Variants in PLCB1 observed in about 807,000 individuals in gnomAD.
PLCB1 encodes the protein 1-phosphatidylinositol 4,5-bisphosphate phosphodiesterase beta-1.
Under a neutral mutation model 161.8 loss-of-function variants are expected in PLCB1, and 46 were observed. That is an observed-to-expected ratio of 0.28 (90% CI 0.22 to 0.36). The LOEUF is 0.36. Ranked by LOEUF, PLCB1 falls within the 10% of genes least tolerant of loss-of-function variation. The pLI is 1.00. For missense variants in PLCB1, 1,016 were observed against 1,472.5 expected (o/e 0.69, Z 5.07); for synonymous variants, 517 against 503.7 (o/e 1.03, Z -0.35).
At chr20:8,546,055 G>T (rs1299752249) in intron 3 of PLCB1, among the ~76,000 whole-genome samples, 3 of 152,090 alleles carry the variant, frequency 2.0e-5, no homozygotes, top group Admixed American at 6.6e-5. Flanking sequence ...GGTGGCTCAT[G>T]CCTGTAATCC....
intron 3 of PLCB1, among the ~76,000 whole-genome samples, chr20:8,592,897 T>C (rs1257651101): frequency 6.6e-6 from 1 of 152,144 alleles, no homozygotes; most frequent in Non-Finnish European, 1.5e-5. Flanking sequence ...CCATTCTCAA[T>C]GCTGGCTGCA....
In PLCB1 at chr20:8,453,617, A is replaced by G. The variant is rs191815374; in HGVS notation, c.246+82167A>G. Among the ~76,000 whole-genome samples the G allele has an allele frequency of 6.2e-3, 945 of 152,304 alleles. 3 individuals carry two copies. The highest frequency in any genetic ancestry group is 1.0e-2 in the Non-Finnish European group (678 of 68,028). On this transcript the variant is annotated intron_variant, in intron 3 of 31. Transcript: ENST00000338037. Reference sequence around the variant, plus strand: ...AATAAACAATTAACTACATAATATAATATCAGAAAGAGTTTGGTGGCTGGA... The same window carrying G: ...AATAAACAATTAACTACATAATATAGTATCAGAAAGAGTTTGGTGGCTGGA...
chr20:8,760,274 G>T, intron 24 of PLCB1, 133 bp from the exon 25 acceptor site: 1 of 583,090 alleles, frequency 1.7e-6, no homozygotes, highest in South Asian at 2.5e-5. Flanking sequence ...TTTTTATAAA[G>T]AATTTTCTCA....
At chr20:8,545,290 T>G (rs1985493960) in intron 3 of PLCB1, among the ~76,000 whole-genome samples, 1 of 152,166 alleles carries the variant, frequency 6.6e-6, no homozygotes, top group Non-Finnish European at 1.5e-5. Context: ...CAGCTTATGT[T>G]TGGGGCACTA....
intron 3 of PLCB1, among the ~76,000 whole-genome samples, chr20:8,386,393 TGGC>T (rs1987427274): frequency 6.6e-6 from 1 of 152,222 alleles, no homozygotes; most frequent in East Asian, 1.9e-4. Context: ...AGCTCTTTTG[TGGC>T]CAGGTGCATT....
chr20:8,401,171 T>C (rs992300941), intron 3 of PLCB1, among the ~76,000 whole-genome samples: 2 of 152,186 alleles, frequency 1.3e-5, no homozygotes, highest in African/African-American at 4.8e-5. Flanking sequence ...TATTGTGTTG[T>C]TTGTATTTCT....
chr20:8,366,001 A>G (rs1397255207), intron 2 of PLCB1, among the ~76,000 whole-genome samples: 1 of 152,034 alleles, frequency 6.6e-6, no homozygotes, highest in Admixed American at 6.5e-5. Context: ...ACCACACAGT[A>G]TGCTTATGGC....
rs1310624870 is a variant in PLCB1, at chr20:8,656,645, C to G, written c.595-539C>G. 1.8e-4 allele frequency among the ~76,000 whole-genome samples: 27 copies of G among 151,848 alleles called. 1 individual carries two copies. Among genetic ancestry groups the G allele is most frequent in the Admixed American group, 1.8e-3 (27 of 15,196 alleles). On this transcript the variant is annotated intron_variant, in intron 7 of 31. Coordinates refer to ENST00000338037, the MANE Select transcript of PLCB1 (RefSeq NM_015192.4). Reference sequence around the variant, plus strand: ...ACTGGTGCTGTCCTACTTATGAAAACTGTTTTACAACTTATCAGATTATTT... The same window carrying G: ...ACTGGTGCTGTCCTACTTATGAAAAGTGTTTTACAACTTATCAGATTATTT...
chr20:8,383,813 GA>G (rs1266934486), intron 3 of PLCB1, among the ~76,000 whole-genome samples: 14 of 152,266 alleles, frequency 9.2e-5, no homozygotes, highest in Non-Finnish European at 1.0e-4. Flanking sequence ...ATTCTGGGTT[GA>G]AAAGTGTTTT....
At chr20:8,689,053 T>G (rs1484192623) in intron 10 of PLCB1, among the ~76,000 whole-genome samples, 1 of 149,844 alleles carries the variant, frequency 6.7e-6, no homozygotes, top group Non-Finnish European at 1.5e-5. Flanking sequence ...TGTAGAAGCC[T>G]TTTGACTCCT....
chr20:8,321,948 G>A (rs1984940012), intron 2 of PLCB1, among the ~76,000 whole-genome samples: 1 of 152,106 alleles, frequency 6.6e-6, no homozygotes, highest in Non-Finnish European at 1.5e-5. Context: ...TACATGCTGG[G>A]CATGCTGAAA....
chr20:8,515,455 A>T (rs1009453732), intron 3 of PLCB1, among the ~76,000 whole-genome samples: 36 of 152,286 alleles, frequency 2.4e-4, no homozygotes, highest in African/African-American at 8.7e-4. Flanking sequence ...AGCGTGTGTT[A>T]GTGTATGCAG....
chr20:8,355,770 C>T (rs1986344908), intron 2 of PLCB1, among the ~76,000 whole-genome samples: 1 of 152,174 alleles, frequency 6.6e-6, no homozygotes, highest in African/African-American at 2.4e-5. Flanking sequence ...GTAAGGACTC[C>T]TGCAGTAATC....
At chr20:8,543,107 C>A (rs1394552389) in intron 3 of PLCB1, among the ~76,000 whole-genome samples, 1 of 152,130 alleles carries the variant, frequency 6.6e-6, no homozygotes, top group African/African-American at 2.4e-5. Flanking sequence ...GAATCTCAGG[C>A]CCCACCCCAG....
intron 9 of PLCB1, among the ~76,000 whole-genome samples, chr20:8,681,086 G>GTGTATATATATATATATATATATATA (rs1394518085): frequency 1.4e-5 from 1 of 73,854 alleles, no homozygotes; most frequent in Non-Finnish European, 2.6e-5. Flanking sequence ...ATGTGTGTGT[G>GTGTATATATATATATATATATATATA]TATATATATA....
chr20:8,669,973 T>C (rs1474237483), intron 9 of PLCB1, among the ~76,000 whole-genome samples: 2 of 152,182 alleles, frequency 1.3e-5, no homozygotes, highest in Non-Finnish European at 2.9e-5. Flanking sequence ...TTTCCTCCCT[T>C]GCATTACGGT....
intron 31 of PLCB1, among the ~76,000 whole-genome samples, chr20:8,849,227 T>C (rs1009022271): frequency 6.6e-6 from 1 of 152,226 alleles, no homozygotes; most frequent in African/African-American, 2.4e-5. Context: ...AATCTTGATA[T>C]TGAGTTCTTA....
chr20:8,272,027 G>A (rs1384040123), intron 2 of PLCB1, among the ~76,000 whole-genome samples: 2 of 151,938 alleles, frequency 1.3e-5, no homozygotes, highest in East Asian at 1.9e-4. Flanking sequence ...TTTGCTTTTA[G>A]TATTATGCAT....
intron 18 of PLCB1, among the ~76,000 whole-genome samples, chr20:8,731,244 TATG>T (rs1407427331): frequency 6.6e-6 from 1 of 151,968 alleles, no homozygotes; most frequent in South Asian, 2.1e-4. Context: ...TTGCAGTACG[TATG>T]ATAATTTAAT....
Sources: gnomAD v4.1 joint callset for allele counts (sites outside exome capture counted in the v4.1 genomes callset) on GRCh38, gnomAD v4.1.1 for gene constraint, MANE v1.5 for transcripts, NCBI Gene and HGNC (gene_info 2026-07-23, HGNC 2026-07-21) for gene names.